The following STK3 variants were observed in gnomAD, a reference collection of about 807,000 sequenced individuals.
STK3 encodes the protein serine/threonine kinase 3, also known as serine/threonine-protein kinase 3.
A neutral mutation model predicts 58.0 loss-of-function variants in STK3; 41 were observed. The ratio of observed to expected loss-of-function variants is 0.71; its 90% CI spans 0.55 to 0.92. The LOEUF is 0.92. Among genes scored for constraint, STK3 ranks in the 40% least tolerant of loss-of-function variants. The pLI, the probability that STK3 is intolerant of heterozygous loss-of-function variation, is 0.00. For synonymous variants in STK3, 170 were observed against 191.0 expected (o/e 0.89, Z 0.91); for missense variants, 479 against 602.7 (o/e 0.79, Z 2.15).
intron 6 of STK3, among the ~76,000 whole-genome samples, chr8:98,630,144 G>A (rs182371770): frequency 6.6e-6 from 1 of 152,246 alleles, no homozygotes; most frequent in Non-Finnish European, 1.5e-5. Flanking sequence ...TGAGCACTAT[G>A]TGGCGTGGCA....
chr8:98,528,897 C>T lies in STK3; in HGVS notation c.1142-1980G>A, dbSNP rs555342834. On this transcript the variant is annotated intron_variant, in intron 9 of 10. Transcript: ENST00000419617. ...ATATCTGAAGACAGAGGTAATGGCTCCTGTCTTGGCTGTCTATTTTTAATA... is the reference window on the plus strand; with the variant it reads ...ATATCTGAAGACAGAGGTAATGGCTTCTGTCTTGGCTGTCTATTTTTAATA... Among the ~76,000 whole-genome samples the T allele has an allele frequency of 6.4e-4, 97 of 152,252 alleles. 1 individual carries two copies. Among genetic ancestry groups the T allele is most frequent in the Non-Finnish European group, 1.2e-3 (79 of 68,014 alleles).
At chr8:98,621,349 A>G (rs1343676397) in intron 6 of STK3, among the ~76,000 whole-genome samples, 1 of 152,194 alleles carries the variant, frequency 6.6e-6, no homozygotes, top group Non-Finnish European at 1.5e-5. Flanking sequence ...CATCTACAAA[A>G]GGAGATGGTT....
At chr8:98,530,298 C>T (rs1826076456) in intron 9 of STK3, among the ~76,000 whole-genome samples, 1 of 152,110 alleles carries the variant, frequency 6.6e-6, no homozygotes. Flanking sequence ...TTTTCTGATC[C>T]TCTCCCTCCT....
At chr8:98,554,147 T>A (rs1376758444) in intron 8 of STK3, among the ~76,000 whole-genome samples, 1 of 152,148 alleles carries the variant, frequency 6.6e-6, no homozygotes, top group Non-Finnish European at 1.5e-5. Flanking sequence ...GCTTTTAAAC[T>A]ATCTACAGCA....
At chr8:98,643,901 C>G (rs1224302549) in intron 6 of STK3, among the ~76,000 whole-genome samples, 1 of 152,056 alleles carries the variant, frequency 6.6e-6, no homozygotes, top group African/African-American at 2.4e-5. Context: ...CCCAGCTACT[C>G]AGGTCAATGT....
chr8:98,583,906 G>A (rs887346657), intron 7 of STK3, among the ~76,000 whole-genome samples: 4 of 151,286 alleles, frequency 2.6e-5, no homozygotes, highest in African/African-American at 9.7e-5. Flanking sequence ...GAGAGAGAAG[G>A]TAACTTAGAG....
intron 10 of STK3, among the ~76,000 whole-genome samples, chr8:98,502,850 T>C (rs1823726188): frequency 1.3e-5 from 2 of 152,210 alleles, no homozygotes; most frequent in East Asian, 1.9e-4. Flanking sequence ...ATAAGGAATA[T>C]TGGTCTAAAA....
rs1302020092 is a variant in STK3 at position 98,617,834 on chromosome 8, G to C, written c.685-21665C>G. ...TGGCAATAATCAATAGTTTACCAAC[G>C]AAAAAGAGTCCAGGACCAGATGGAT... On this transcript the variant is annotated intron_variant, in intron 6 of 10. Coordinates refer to ENST00000419617, the MANE Select transcript of STK3 (RefSeq NM_006281.4). Among the ~76,000 whole-genome samples, 635 of 152,024 alleles carry C rather than the reference G, an allele frequency of 4.2e-3. 4 individuals are homozygous for C. Among genetic ancestry groups the C allele is most frequent in the African/African-American group, 0.014 (595 of 41,436 alleles).
At chr8:98,594,357 T>C (rs1815616374) in intron 7 of STK3, among the ~76,000 whole-genome samples, 1 of 152,028 alleles carries the variant, frequency 6.6e-6, no homozygotes, top group Non-Finnish European at 1.5e-5. Context: ...CCCAGCACTT[T>C]GGGAGGCTGA....
In STK3 at chr8:98,673,453, C is replaced by T. The variant is rs148892942; in HGVS notation, c.684+33014G>A. 3.0e-3 allele frequency among the ~76,000 whole-genome samples: 453 copies of T among 152,144 alleles called. 4 individuals carry two copies. Among genetic ancestry groups the T allele is most frequent in the South Asian group, 4.0e-3 (19 of 4,810 alleles). On this transcript the variant is annotated intron_variant, in intron 6 of 10. Coordinates refer to ENST00000419617, the MANE Select transcript of STK3 (RefSeq NM_006281.4). Reference sequence around the variant, plus strand: ...CACAACCATATAAAGGAATAAAATGCGTGCTACAACATAAATGAACCTCAA... The same window carrying T: ...CACAACCATATAAAGGAATAAAATGTGTGCTACAACATAAATGAACCTCAA...
intron 1 of STK3, among the ~76,000 whole-genome samples, chr8:98,384,338 C>T (rs1817768531): frequency 6.6e-6 from 1 of 152,212 alleles, no homozygotes; most frequent in Non-Finnish European, 1.5e-5. Context: ...AGCTGCTTGT[C>T]CCAGCCTGCT....
the STK3 span, among the ~76,000 whole-genome samples, chr8:98,348,946 T>C: frequency 6.6e-6 from 1 of 152,204 alleles, no homozygotes; most frequent in Non-Finnish European, 1.5e-5. Flanking sequence ...CATGCAAAAA[T>C]CTGTGCATGA....
chr8:98,416,506 G>T (rs534243275), intron 3 of STK3, among the ~76,000 whole-genome samples: 1 of 151,690 alleles, frequency 6.6e-6, no homozygotes, highest in Non-Finnish European at 1.5e-5. Context: ...AGAGAGGACC[G>T]CTCCTTCTCT....
At chr8:98,520,418 T>C (rs1825264624) in intron 10 of STK3, among the ~76,000 whole-genome samples, 1 of 152,130 alleles carries the variant, frequency 6.6e-6, no homozygotes, top group Non-Finnish European at 1.5e-5. Context: ...CAAATTCTAT[T>C]GCATACAGGC....
At chr8:98,547,050 T>C (rs908554225) in intron 9 of STK3, among the ~76,000 whole-genome samples, 4 of 152,184 alleles carry the variant, frequency 2.6e-5, no homozygotes, top group African/African-American at 7.2e-5. Context: ...GTATCCATTT[T>C]GCAGTACCAG....
chr8:98,426,517 C>G (rs937418037), intron 3 of STK3, among the ~76,000 whole-genome samples: 1 of 152,084 alleles, frequency 6.6e-6, no homozygotes, highest in East Asian at 1.9e-4. Flanking sequence ...GCTCCCGCCC[C>G]CCGCGTACTA....
chr8:98,756,224 A>C (rs1024962015), intron 3 of STK3, among the ~76,000 whole-genome samples: 3 of 152,178 alleles, frequency 2.0e-5, no homozygotes, highest in African/African-American at 7.2e-5. Context: ...CAAAAAACTA[A>C]GACAGGACCT....
chr8:98,822,849 C>T (rs1404013243), intron 1 of STK3, among the ~76,000 whole-genome samples: 11 of 152,104 alleles, frequency 7.2e-5, no homozygotes, highest in South Asian at 2.1e-4. Flanking sequence ...GCCAACATGG[C>T]GAAACGTTGT....
At chr8:98,758,526 TAAAC>T (rs1257284056) in intron 3 of STK3, among the ~76,000 whole-genome samples, 2 of 152,214 alleles carry the variant, frequency 1.3e-5, no homozygotes, top group African/African-American at 2.4e-5. Flanking sequence ...ATTTGCCACA[TAAAC>T]AGAGGAGATT....
Sources: allele counts gnomAD v4.1 joint callset (sites outside exome capture counted in the v4.1 genomes callset), GRCh38; gene constraint gnomAD v4.1.1; transcripts MANE v1.5; gene names NCBI Gene and HGNC (gene_info 2026-07-23, HGNC 2026-07-21).